Variants in TRAF3IP1 observed in about 807,000 individuals in gnomAD.
TRAF3IP1 encodes the protein TRAF3-interacting protein 1.
Under a neutral mutation model 89.9 loss-of-function variants are expected in TRAF3IP1, and 53 were observed. That is an observed-to-expected ratio of 0.59 (90% confidence interval 0.47 to 0.74). The LOEUF is 0.74. Among genes scored for constraint, TRAF3IP1 ranks in the 30% least tolerant of loss-of-function variants. TRAF3IP1 has a pLI of 0.00. For missense variants in TRAF3IP1, 806 were observed against 866.1 expected, an observed-to-expected ratio of 0.93 and a Z score of 0.87; for synonymous variants, 311 against 322.1, an observed-to-expected ratio of 0.97 and a Z score of 0.37.
At chr2:238,385,345 C>T (rs1384708444) in intron 15 of TRAF3IP1, among the ~76,000 whole-genome samples, 1 of 152,158 alleles carries the variant, frequency 6.6e-6, no homozygotes, top group Non-Finnish European at 1.5e-5. Context: ...TGACTACTTA[C>T]CTTACATTTA....
At chr2:238,393,535 G>A (rs942266976) in intron 15 of TRAF3IP1, among the ~76,000 whole-genome samples, 2 of 152,048 alleles carry the variant, frequency 1.3e-5, no homozygotes, top group Non-Finnish European at 2.9e-5. Context: ...TGAAATTTTT[G>A]TCATGCTTTT....
Position 238,356,053 on chromosome 2 carries a change from G to T in TRAF3IP1, c.1662G>T (p.Leu554Phe), listed in dbSNP as rs1699389037. 15 of 1,613,792 alleles carry T rather than the reference G, an allele frequency of 9.3e-6. No individual in the cohort carries two copies. Among genetic ancestry groups the T allele is most frequent in the Non-Finnish European group, 1.3e-5 (15 of 1,179,732 alleles). The change falls in exon 15 of 17, where the codon TTG (leucine) becomes TTT (phenylalanine). Residue 554 changes from leucine (L) to phenylalanine (F), a missense_variant. Leu to Phe is a conservative substitution (Grantham distance 22, BLOSUM62 0). Coordinates refer to ENST00000373327, the MANE Select transcript of TRAF3IP1 (RefSeq NM_015650.4). ...ILETKKDYEK[L>F]QQSPKPGEKE... The stretch of plus-strand genomic sequence containing the variant: ...AGACGAAGAAAGATTATGAGAAATT[G>T]CAGCAGTCACCCAAACCTGGGGAGA...
chr2:238,364,018 TCAC>T (rs757674566), intron 15 of TRAF3IP1, among the ~76,000 whole-genome samples: 1 of 152,184 alleles, frequency 6.6e-6, no homozygotes. Flanking sequence ...GCTGAATCTA[TCAC>T]CATTATCGAT....
At chr2:238,391,783 C>T (rs1701004578) in intron 15 of TRAF3IP1, among the ~76,000 whole-genome samples, 1 of 152,132 alleles carries the variant, frequency 6.6e-6, no homozygotes, top group Non-Finnish European at 1.5e-5. Context: ...TAGTCTCCTA[C>T]CTTAAGGTCC....
rs1007690432 is a variant in TRAF3IP1 at position 238,367,177 on chromosome 2, A to G, written c.1689+11097A>G. Among the ~76,000 whole-genome samples, 262 of 150,326 alleles carry G rather than the reference A, an allele frequency of 1.7e-3. 5 individuals carry two copies. Among genetic ancestry groups the G allele is most frequent in the African/African-American group, 6.2e-3 (256 of 41,032 alleles). On this transcript the variant is annotated intron_variant, in intron 15 of 16. Transcript: ENST00000373327. Reference sequence around the variant, plus strand: ...AGACTCTGTCTCAAAAAAAAAAAAAAAAAAAAAAAAAAGAAAATTAGTGGA... The same window carrying G: ...AGACTCTGTCTCAAAAAAAAAAAAAGAAAAAAAAAAAAGAAAATTAGTGGA...
intron 1 of TRAF3IP1, among the ~76,000 whole-genome samples, 191 bp from the exon 2 acceptor site, chr2:238,325,115 G>C (rs1480158637): frequency 6.6e-6 from 1 of 152,206 alleles, no homozygotes; most frequent in Non-Finnish European, 1.5e-5. Context: ...GCCAGACTAA[G>C]TTCTGAGAGG....
At chr2:238,385,874 C>G (rs568124442) in intron 15 of TRAF3IP1, among the ~76,000 whole-genome samples, 3 of 152,260 alleles carry the variant, frequency 2.0e-5, no homozygotes, top group Non-Finnish European at 4.4e-5. Context: ...AAATAATGCT[C>G]CTGCCAAAGT....
chr2:238,320,614 G>C lies in TRAF3IP1; in HGVS notation c.-49G>C, dbSNP rs1319366627. On this transcript the variant is annotated 5_prime_UTR_variant, in exon 1 of 17. Coordinates refer to ENST00000373327, the MANE Select transcript of TRAF3IP1 (RefSeq NM_015650.4). ...GGCCAGGGACCCGGGCTTAGGCTCG[G>C]CCAGGCCGGCTGAGGGGCGCGGGCG... 1 of 1,222,396 alleles carries C rather than the reference G, an allele frequency of 8.2e-7. No homozygotes were observed. Among genetic ancestry groups the C allele is most frequent in the African/African-American group, 1.6e-5 (1 of 62,758 alleles). 75.7% of individuals were successfully genotyped at this position (1,222,396 alleles called of 1,614,324 possible). A position where few individuals can be genotyped will look rare whatever the true frequency, so the allele number is the denominator to read the frequency against.
chr2:238,364,780 A>G (rs990850934), intron 15 of TRAF3IP1, among the ~76,000 whole-genome samples: 1 of 151,830 alleles, frequency 6.6e-6, no homozygotes, highest in Non-Finnish European at 1.5e-5. Context: ...TCTCTTCTCT[A>G]CTTTCTTGAT....
At chr2:238,320,967 G>A (rs1697504318) in intron 1 of TRAF3IP1, among the ~76,000 whole-genome samples, 182 bp downstream of exon 1, 1 of 151,042 alleles carries the variant, frequency 6.6e-6, no homozygotes, top group African/African-American at 2.4e-5. Context: ...GGCCGGGCTC[G>A]GGGTGCAGGT....
chr2:238,363,443 G>T (rs1699743387), intron 15 of TRAF3IP1, among the ~76,000 whole-genome samples: 1 of 151,970 alleles, frequency 6.6e-6, no homozygotes, highest in South Asian at 2.1e-4. Flanking sequence ...GGGCAGTTGG[G>T]ATTCTTTTTT....
chr2:238,329,191 G>A lies in TRAF3IP1; in HGVS notation c.764G>A (p.Gly255Glu), dbSNP rs779874921. The change falls in exon 5 of 17, where the codon GGG (glycine) becomes GAG (glutamate). Residue 255 changes from glycine to glutamate, a missense_variant. By Grantham distance (98) the Gly-to-Glu change is moderately conservative (BLOSUM62 -2). Coordinates refer to ENST00000373327, the MANE Select transcript of TRAF3IP1 (RefSeq NM_015650.4). ...RKKETERKSE[G>E]GKEKERLRDR... Reference sequence around the variant, plus strand: ...AAGGAGACAGAGAGAAAGAGTGAGGGGGGGAAAGAGAAGGAGAGACTGAGA... The same window carrying A: ...AAGGAGACAGAGAGAAAGAGTGAGGAGGGGAAAGAGAAGGAGAGACTGAGA... 52 of 1,568,760 alleles carry A rather than the reference G, an allele frequency of 3.3e-5. No individual in the cohort carries two copies. Among genetic ancestry groups the A allele is most frequent in the Non-Finnish European group, 4.2e-5 (49 of 1,160,266 alleles).
intron 15 of TRAF3IP1, among the ~76,000 whole-genome samples, chr2:238,365,735 GTTAAA>G (rs1264202844): frequency 6.6e-6 from 1 of 151,970 alleles, no homozygotes; most frequent in Non-Finnish European, 1.5e-5. Context: ...GACTTTAATA[GTTAAA>G]TTGGGAACTA....
chr2:238,387,638 A>T (rs567774117), intron 15 of TRAF3IP1, among the ~76,000 whole-genome samples: 1 of 152,254 alleles, frequency 6.6e-6, no homozygotes, highest in Non-Finnish European at 1.5e-5. Context: ...TCAGAGTTGT[A>T]TTTTTTTGTA....
At position 238,398,869 on chromosome 2, in the gene TRAF3IP1, G is replaced by GA. The variant is rs746572936; in HGVS notation, c.2032dup (p.Ile678AsnfsTer7). 13 of 1,612,684 alleles carry GA rather than the reference G, an allele frequency of 8.1e-6. No individual in the cohort carries two copies. Among genetic ancestry groups the GA allele is most frequent in the South Asian group, 1.1e-5 (1 of 90,792 alleles). On this transcript the variant is annotated frameshift_variant, in exon 17 of 17. Transcript: ENST00000373327. LOFTEE classifies it high-confidence loss of function. ...GAAGGCCAACATCCTCAAGAATGAA[G>GA]AAAAAATCCAGAAAATGGTATATAG...
intron 8 of TRAF3IP1, among the ~76,000 whole-genome samples, chr2:238,340,448 A>T (rs1698588564): frequency 6.6e-6 from 1 of 152,126 alleles, no homozygotes. Flanking sequence ...GGTCATCATC[A>T]GAGAATTTGT....
rs1559371549 is a variant in TRAF3IP1 at position 238,351,880 on chromosome 2, T to TGC, written c.1452-946_1452-945insCG. 6.8e-6 allele frequency among the ~76,000 whole-genome samples: 1 copy of TGC among 146,592 alleles called. No individual in the cohort carries two copies. The highest frequency in any genetic ancestry group is 2.0e-4 in the East Asian group (1 of 4,916). On this transcript the variant is annotated intron_variant, in intron 12 of 16. Coordinates refer to ENST00000373327, the MANE Select transcript of TRAF3IP1 (RefSeq NM_015650.4). This position sits in a 1 kb window ranked among gnomAD's most constrained non-coding sequence, Gnocchi z 5.2. ...GTGTGTGTGTGTGCGCGCGCGCGCGTGTGCGTGCATGTGCTTGTGTGTATG... is the reference window on the plus strand; with the variant it reads ...GTGTGTGTGTGTGCGCGCGCGCGCGTGCGTGCGTGCATGTGCTTGTGTGTATG...
At chr2:238,361,244 A>G (rs1261839004) in intron 15 of TRAF3IP1, among the ~76,000 whole-genome samples, 1 of 151,914 alleles carries the variant, frequency 6.6e-6, no homozygotes, top group Non-Finnish European at 1.5e-5. Context: ...GGGTTTTGCT[A>G]TGTTAGCCAG....
At position 238,347,487 on chromosome 2, in the gene TRAF3IP1, C is replaced by T. The variant is rs749004678; in HGVS notation, c.1282+12C>T. 6.8e-6 allele frequency: 11 copies of T among 1,613,640 alleles called. No homozygotes were observed. The Admixed American group carries it at 1.8e-4, about 27-fold the overall frequency. On this transcript the variant is annotated intron_variant, in intron 10 of 16. Transcript: ENST00000373327. ...CACCAGTGATGCAGGTGAGGAATGG[C>T]CTTAGATACCTGTGTGTCATATCAA...
Sources: gnomAD v4.1 joint callset for allele counts (sites outside exome capture counted in the v4.1 genomes callset) on GRCh38, gnomAD v4.1.1 for gene constraint, Gnocchi (gnomAD v3.1) non-coding constraint, MANE v1.5 for transcripts, NCBI Gene and HGNC (gene_info 2026-07-23, HGNC 2026-07-21) for gene names.